Variants in MOB3B observed in about 807,000 individuals in gnomAD.
The protein encoded by MOB3B is MOB kinase activator-like 2B.
In MOB3B, 7 loss-of-function variants were observed where a neutral mutation model predicts 18.7. The ratio of observed to expected loss-of-function variants is 0.37; its 90% CI spans 0.21 to 0.70. The LOEUF (loss-of-function observed/expected upper bound fraction) is 0.70, where lower values mean the gene tolerates loss of function less well. Ranked by LOEUF, MOB3B falls within the 30% of genes least tolerant of loss-of-function variation. The probability of loss-of-function intolerance (pLI) is 0.52; values close to 1 mark genes in which losing one functional copy is unlikely to be tolerated. For synonymous variants in MOB3B, 111 were observed against 99.9 expected (o/e 1.11, Z -0.66); for missense variants, 253 against 281.3 (o/e 0.90, Z 0.72).
intron 1 of MOB3B, among the ~76,000 whole-genome samples, chr9:27,494,431 G>A (rs926055764): frequency 2.0e-5 from 3 of 152,136 alleles, no homozygotes; most frequent in African/African-American, 7.2e-5. Flanking sequence ...ACCGACATGT[G>A]ATGTCTCCCT....
chr9:27,470,381 G>A (rs1394362087), intron 1 of MOB3B, among the ~76,000 whole-genome samples: 3 of 152,064 alleles, frequency 2.0e-5, no homozygotes, highest in South Asian at 2.1e-4. Context: ...TTCAGGTTTC[G>A]CTTGATCAAT....
rs60042853 is a variant in MOB3B at position 27,522,929 on chromosome 9, T to TATATA, written c.-199+6625_-199+6626insTATAT. Among the ~76,000 whole-genome samples, 673 of 151,300 alleles carry TATATA rather than the reference T, an allele frequency of 4.4e-3. 5 individuals carry two copies. The highest frequency in any genetic ancestry group is 0.015 in the African/African-American group (617 of 41,294). On this transcript the variant is annotated intron_variant, in intron 1 of 3. Transcript: ENST00000262244. ...AATAGAATAATATATATATATATAT[T>TATATA]TTTTTCCGTAAGAAACCTTTCCTAA...
chr9:27,409,556 T>C (rs1231766108), intron 2 of MOB3B, among the ~76,000 whole-genome samples: 1 of 152,100 alleles, frequency 6.6e-6, no homozygotes, highest in Non-Finnish European at 1.5e-5. Context: ...AGAATTATCA[T>C]ATGCTCCGGC....
At chr9:27,376,098 G>C (rs140277129) in intron 2 of MOB3B, among the ~76,000 whole-genome samples, 1 of 152,074 alleles carries the variant, frequency 6.6e-6, no homozygotes, top group Non-Finnish European at 1.5e-5. Context: ...AGTACAATTA[G>C]AGTCATACTA....
At chr9:27,332,595 G>A (rs1587136291) in intron 3 of MOB3B, among the ~76,000 whole-genome samples, 1 of 152,202 alleles carries the variant, frequency 6.6e-6, no homozygotes, top group Admixed American at 6.5e-5. Flanking sequence ...AAGAATCCCA[G>A]TTTCAGAGCA....
At chr9:27,498,788 C>T (rs1819941419) in intron 1 of MOB3B, among the ~76,000 whole-genome samples, 1 of 152,188 alleles carries the variant, frequency 6.6e-6, no homozygotes, top group South Asian at 2.1e-4. Context: ...AAAGACCTGA[C>T]ATTGCTGGAT....
chr9:27,344,276 C>G (rs1282202689), intron 3 of MOB3B, among the ~76,000 whole-genome samples: 1 of 152,180 alleles, frequency 6.6e-6, no homozygotes, highest in African/African-American at 2.4e-5. Flanking sequence ...CATGTGGGTG[C>G]TTGTGTGTGT....
intron 1 of MOB3B, among the ~76,000 whole-genome samples, chr9:27,503,541 C>T (rs563754747): frequency 6.6e-6 from 1 of 152,344 alleles, no homozygotes; most frequent in South Asian, 2.1e-4. Flanking sequence ...TCAGTCAGCT[C>T]TCCTGCGCTC....
intron 1 of MOB3B, among the ~76,000 whole-genome samples, chr9:27,510,408 T>C (rs1187447401): frequency 1.3e-5 from 2 of 152,218 alleles, no homozygotes; most frequent in African/African-American, 4.8e-5. Context: ...TCTAACATTG[T>C]CTTCTTTGTA....
At chr9:27,430,817 A>G (rs1037373538) in intron 2 of MOB3B, among the ~76,000 whole-genome samples, 1 of 150,606 alleles carries the variant, frequency 6.6e-6, no homozygotes, top group Non-Finnish European at 1.5e-5. Context: ...AGGCGCAACA[A>G]CTCCTGGTTC....
chr9:27,373,967 A>C (rs1033437025), intron 2 of MOB3B, among the ~76,000 whole-genome samples: 2 of 152,252 alleles, frequency 1.3e-5, no homozygotes, highest in African/African-American at 4.8e-5. Flanking sequence ...AGTCTTAGCC[A>C]ATCACAGTAG....
At chr9:27,373,833 T>G (rs930406845) in intron 2 of MOB3B, among the ~76,000 whole-genome samples, 6 of 152,212 alleles carry the variant, frequency 3.9e-5, no homozygotes, top group African/African-American at 1.4e-4. Flanking sequence ...AAAAATACTG[T>G]TAAATTGAAT....
intron 1 of MOB3B, among the ~76,000 whole-genome samples, chr9:27,465,639 C>T (rs752514899): frequency 1.3e-5 from 2 of 152,182 alleles, no homozygotes; most frequent in Non-Finnish European, 2.9e-5. Context: ...ATGAGGGTCC[C>T]GCCCCTGCAG....
chr9:27,356,759 T>G (rs1332335406), intron 3 of MOB3B, among the ~76,000 whole-genome samples: 1 of 152,176 alleles, frequency 6.6e-6, no homozygotes, highest in Non-Finnish European at 1.5e-5. Context: ...TGCAGTGGTT[T>G]CTTCTGGGTC....
intron 3 of MOB3B, among the ~76,000 whole-genome samples, chr9:27,335,796 G>T (rs988753102): frequency 3.3e-5 from 5 of 152,180 alleles, no homozygotes; most frequent in Non-Finnish European, 5.9e-5. Flanking sequence ...AATCCTAGGT[G>T]CTCCTCTTCC....
intron 1 of MOB3B, among the ~76,000 whole-genome samples, chr9:27,466,371 A>G (rs1201153168): frequency 1.3e-5 from 2 of 152,124 alleles, no homozygotes; most frequent in African/African-American, 2.4e-5. Flanking sequence ...CACTATCAGC[A>G]TTTTTGTCAA....
chr9:27,353,955 A>G (rs1821146896), intron 3 of MOB3B, among the ~76,000 whole-genome samples: 1 of 152,232 alleles, frequency 6.6e-6, no homozygotes, highest in South Asian at 2.1e-4. Context: ...CCAACAAGGA[A>G]CTTGCTTCAG....
At chr9:27,474,553 T>C (rs7866230) in intron 1 of MOB3B, among the ~76,000 whole-genome samples, 144,970 of 152,290 alleles carry the variant, frequency 0.95, 69,357 homozygotes, top group East Asian at 1. Context: ...ATAGTCACCA[T>C]GATGCATGTG....
intron 1 of MOB3B, among the ~76,000 whole-genome samples, chr9:27,478,066 C>T (rs917695944): frequency 6.6e-6 from 1 of 152,154 alleles, no homozygotes; most frequent in Non-Finnish European, 1.5e-5. Context: ...ATTAAAAAAA[C>T]TAAATAGAAC....
Sources: allele counts gnomAD v4.1 joint callset (sites outside exome capture counted in the v4.1 genomes callset), GRCh38; gene constraint gnomAD v4.1.1; transcripts MANE v1.5; gene names NCBI Gene and HGNC (gene_info 2026-07-23, HGNC 2026-07-21).